The following USP34 variants were observed in gnomAD, a reference collection of about 807,000 sequenced individuals.
USP34 encodes the protein ubiquitin specific peptidase 34.
A neutral mutation model predicts 460.3 loss-of-function variants in USP34; 70 were observed. The ratio of observed to expected loss-of-function variants is 0.15; its 90% CI spans 0.13 to 0.19. USP34 has a LOEUF of 0.19. USP34 is among the 10% of genes least tolerant of loss of function. The pLI is 1.00. For missense variants in USP34, 3,985 were observed against 4,236.2 expected (o/e 0.94, Z 1.65); for synonymous variants, 1,647 against 1,405.3 (o/e 1.17, Z -3.85).
At chr2:61,395,104 T>A in intron 4 of USP34, 79 bp downstream of exon 4, 3 of 1,448,758 alleles carry the variant, frequency 2.1e-6, no homozygotes, top group Non-Finnish European at 2.8e-6. Context: ...AAGACATATA[T>A]AAATAATAAA....
At chr2:61,409,488 T>A (rs563407067) in intron 2 of USP34, among the ~76,000 whole-genome samples, 2 of 152,030 alleles carry the variant, frequency 1.3e-5, no homozygotes, top group African/African-American at 4.8e-5. Context: ...CCAAGGCAGG[T>A]GGATCACTTG....
At chr2:61,400,673 G>A (rs745771780) in intron 3 of USP34, among the ~76,000 whole-genome samples, 29 of 152,082 alleles carry the variant, frequency 1.9e-4, no homozygotes, top group Admixed American at 1.2e-3. Context: ...AACAGAGCAA[G>A]ACCCTGCCTC....
intron 1 of USP34, among the ~76,000 whole-genome samples, chr2:61,455,557 G>C (rs1263066642): frequency 5.3e-5 from 8 of 151,942 alleles, no homozygotes; most frequent in Non-Finnish European, 1.2e-4. Context: ...AGGATCATTT[G>C]AGCCTGGAAG....
chr2:61,398,052 C>A (rs1403149657), intron 3 of USP34, among the ~76,000 whole-genome samples: 1 of 151,960 alleles, frequency 6.6e-6, no homozygotes, highest in Non-Finnish European at 1.5e-5. Flanking sequence ...GCTTGGGCAA[C>A]AGAGCGAGAC....
Position 61,391,300 on chromosome 2 carries a change from G to A in USP34, c.753+3553C>T, listed in dbSNP as rs373616462. 9.1e-4 allele frequency among the ~76,000 whole-genome samples: 139 copies of A among 151,994 alleles called. 1 individual carries two copies. Among genetic ancestry groups the A allele is most frequent in the Middle Eastern group, 3.4e-3 (1 of 294 alleles). On this transcript the variant is annotated intron_variant, in intron 5 of 79. Transcript: ENST00000398571. ...ACCTCTACCAGAAACACAAAAATTA[G>A]CCAGTCTCAAAATAAATATATAGCT...
chr2:61,369,385 C>A (rs1384662300), intron 10 of USP34, among the ~76,000 whole-genome samples: 1 of 152,116 alleles, frequency 6.6e-6, no homozygotes. Context: ...TGGCTCATGC[C>A]TGTAATCCCA....
intron 34 of USP34, 37 bp from the exon 35 acceptor site, chr2:61,284,994 C>T (rs767147953): frequency 1.3e-5 from 20 of 1,519,790 alleles, no homozygotes; most frequent in Non-Finnish European, 1.6e-5. Context: ...TATTTAAATA[C>T]AGCAAAAGGA....
chr2:61,299,028 T>A (rs374766191), intron 29 of USP34, among the ~76,000 whole-genome samples: 2 of 151,588 alleles, frequency 1.3e-5, no homozygotes, highest in Admixed American at 6.6e-5. Flanking sequence ...CCCTAATACA[T>A]GGAACAGAAC....
At chr2:61,260,337 T>C (rs1028805911) in intron 43 of USP34, among the ~76,000 whole-genome samples, 5 of 152,294 alleles carry the variant, frequency 3.3e-5, no homozygotes, top group African/African-American at 4.8e-5. Flanking sequence ...CACCAAGCCT[T>C]ATAGGAAAGA....
chr2:61,351,912 T>C (rs911034010), intron 10 of USP34, among the ~76,000 whole-genome samples: 10 of 152,196 alleles, frequency 6.6e-5, no homozygotes, highest in African/African-American at 2.4e-4. Flanking sequence ...ACTCAGTAAG[T>C]TTACCACTTT....
At chr2:61,421,513 T>C (rs1017231956) in intron 1 of USP34, among the ~76,000 whole-genome samples, 6 of 152,230 alleles carry the variant, frequency 3.9e-5, no homozygotes, top group South Asian at 2.1e-4. Context: ...CACACAGCTT[T>C]ACAAAGTAGA....
Position 61,281,199 on chromosome 2 carries a change from G to A in USP34, c.5042C>T (p.Ser1681Phe). The A allele has an allele frequency of 6.2e-7, 1 of 1,614,026 alleles. No homozygotes were observed. The highest frequency in any genetic ancestry group is 1.1e-5 in the South Asian group (1 of 91,068). Residue 1681 changes from serine to phenylalanine, a missense_variant, in exon 38 of 80, where the codon TCC becomes TTC. By Grantham distance (155) the Ser-to-Phe change is radical. Coordinates refer to ENST00000398571, the MANE Select transcript of USP34 (RefSeq NM_014709.4). ...GTCTCCTCCATCCAGCCCTGACAGGGATAACTTATAGAGACCACTGCATGA... is the reference window on the plus strand; with the variant it reads ...GTCTCCTCCATCCAGCCCTGACAGGAATAACTTATAGAGACCACTGCATGA... Reference protein sequence around the residue: ...HESCSGLYKLSLSGLDGGDSI... With the variant: ...HESCSGLYKLFLSGLDGGDSI...
intron 10 of USP34, among the ~76,000 whole-genome samples, chr2:61,358,698 A>T (rs901219035): frequency 2.6e-5 from 4 of 152,230 alleles, no homozygotes; most frequent in African/African-American, 9.6e-5. Context: ...CAAATGACAT[A>T]ATCATATACA....
intron 41 of USP34, among the ~76,000 whole-genome samples, chr2:61,274,274 C>A (rs1689307092): frequency 6.6e-6 from 1 of 151,852 alleles, no homozygotes; most frequent in Admixed American, 6.6e-5. Context: ...CCTGTAATCC[C>A]AGCTAGTAGG....
At chr2:61,373,303 A>T (rs544564881) in intron 8 of USP34, among the ~76,000 whole-genome samples, 34 of 152,212 alleles carry the variant, frequency 2.2e-4, no homozygotes, top group Non-Finnish European at 4.1e-4. Flanking sequence ...ATGAGATGTA[A>T]AACAAGCTAT....
At chr2:61,204,081 G>T (rs1687048076) in intron 74 of USP34, among the ~76,000 whole-genome samples, 175 bp downstream of exon 74, 1 of 151,996 alleles carries the variant, frequency 6.6e-6, no homozygotes, top group Non-Finnish European at 1.5e-5. Flanking sequence ...GTTGATTTTT[G>T]CAAATGTTCA....
chr2:61,395,032 T>C (rs1454245382), intron 4 of USP34, 30 bp from the exon 5 acceptor site: 1 of 1,557,028 alleles, frequency 6.4e-7, no homozygotes, highest in Non-Finnish European at 8.6e-7. Flanking sequence ...ATGTCATTAT[T>C]TGAAAACGTA....
chr2:61,469,483 T>C (rs1301101434), intron 1 of USP34, among the ~76,000 whole-genome samples: 2 of 152,222 alleles, frequency 1.3e-5, no homozygotes, highest in Non-Finnish European at 2.9e-5. Flanking sequence ...AGTTGGAATA[T>C]GTGCAAAAGC....
Position 61,339,399 on chromosome 2 carries a change from A to G in USP34, c.2696T>C (p.Ile899Thr), listed in dbSNP as rs760387593. 1 of 1,609,724 alleles carries G rather than the reference A, an allele frequency of 6.2e-7. No homozygotes were observed. The change falls in exon 18 of 80, where the codon ATT becomes ACT. Residue 899 changes from isoleucine to threonine, a missense_variant. Physicochemically the swap from Ile to Thr is moderately conservative, Grantham distance 89. Around this residue, in one of 14 missense-constraint regions of USP34, gnomAD observed 46 missense variants for 83.1 expected, o/e 0.55. Transcript: ENST00000398571. ...SLVCWFTDRQIRMRFIEGCLE... is the reference protein window; with the variant it reads ...SLVCWFTDRQTRMRFIEGCLE... The stretch of plus-strand genomic sequence containing the variant: ...GCAACCTTCAATGAATCTCATTCGA[A>G]TTTGTCTATCTGTAAACCAACATAC...
Sources: allele counts gnomAD v4.1 joint callset (sites outside exome capture counted in the v4.1 genomes callset), GRCh38; gene constraint gnomAD v4.1.1; regional missense constraint gnomAD v4.1.1; transcripts MANE v1.5; gene names NCBI Gene and HGNC (gene_info 2026-07-23, HGNC 2026-07-21).